Variants in ZRANB3 observed in about 807,000 individuals in gnomAD.
The protein encoded by ZRANB3 is DNA annealing helicase and endonuclease ZRANB3.
In ZRANB3, 125 loss-of-function variants were observed where a neutral mutation model predicts 133.8. That is an observed-to-expected ratio of 0.93 (90% CI 0.81 to 1.08). The LOEUF is 1.08. ZRANB3 is among the 50% of genes least tolerant of loss of function. The probability of loss-of-function intolerance (pLI) is 0.00; values close to 1 mark genes in which losing one functional copy is unlikely to be tolerated. For missense variants in ZRANB3, 1,229 were observed against 1,275.5 expected (o/e 0.96, Z 0.56); for synonymous variants, 387 against 432.7 (o/e 0.89, Z 1.31).
intron 10 of ZRANB3, 71 bp from the exon 11 acceptor site, chr2:135,269,212 T>A: frequency 7.8e-7 from 1 of 1,277,132 alleles, no homozygotes. Context: ...TTTCTGAACA[T>A]GTTAAATGGA....
At chr2:135,468,964 T>C (rs759931110) in intron 2 of ZRANB3, among the ~76,000 whole-genome samples, 28 of 152,170 alleles carry the variant, frequency 1.8e-4, no homozygotes, top group Non-Finnish European at 3.5e-4. Flanking sequence ...GAGTGACAAC[T>C]ACAATGGAAC....
At chr2:135,420,419 G>C (rs999495867) in intron 2 of ZRANB3, among the ~76,000 whole-genome samples, 1 of 151,992 alleles carries the variant, frequency 6.6e-6, no homozygotes, top group African/African-American at 2.4e-5. Context: ...ACTGAACCCA[G>C]GATCTTTGTA....
intron 2 of ZRANB3, among the ~76,000 whole-genome samples, chr2:135,465,677 T>C (rs1282259660): frequency 6.6e-6 from 1 of 152,144 alleles, no homozygotes; most frequent in Non-Finnish European, 1.5e-5. Context: ...TGGGATCTAA[T>C]TAAACTAAAG....
intron 2 of ZRANB3, among the ~76,000 whole-genome samples, chr2:135,496,988 A>T (rs949536042): frequency 1.3e-5 from 2 of 152,252 alleles, no homozygotes; most frequent in African/African-American, 4.8e-5. Context: ...CCAATAAATT[A>T]ATTAACAGCA....
intron 2 of ZRANB3, among the ~76,000 whole-genome samples, chr2:135,489,270 C>T (rs557856998): frequency 1.4e-4 from 18 of 126,776 alleles, no homozygotes; most frequent in African/African-American, 3.4e-4. Flanking sequence ...TGAGAACACA[C>T]GGACACAGGA....
intron 8 of ZRANB3, among the ~76,000 whole-genome samples, chr2:135,303,527 T>C (rs1432818955): frequency 6.6e-6 from 1 of 152,164 alleles, no homozygotes; most frequent in African/African-American, 2.4e-5. Flanking sequence ...ACTGACAATC[T>C]ATGTGAGGTT....
rs192892414 is a variant in ZRANB3, at chr2:135,312,045, A to G, written c.966+1444T>C. Among the ~76,000 whole-genome samples, 704 of 151,850 alleles carry G rather than the reference A, an allele frequency of 4.6e-3. 2 individuals are homozygous for G. The highest frequency in any genetic ancestry group is 0.014 in the South Asian group (69 of 4,816). ...TTTTTGGCATGACAGGAATATCTCT[A>G]TTTTCATGGTACTGATGTTTATCCA... On this transcript the variant is annotated intron_variant, in intron 8 of 20. Transcript: ENST00000264159.
chr2:135,428,967 G>A (rs1265791536), intron 2 of ZRANB3, among the ~76,000 whole-genome samples: 1 of 152,218 alleles, frequency 6.6e-6, no homozygotes, highest in Non-Finnish European at 1.5e-5. Flanking sequence ...ACTGTGGAAA[G>A]CACTTTGGAG....
chr2:135,441,813 A>G (rs930996181), intron 2 of ZRANB3, among the ~76,000 whole-genome samples: 1 of 152,296 alleles, frequency 6.6e-6, no homozygotes, highest in East Asian at 1.9e-4. Context: ...TAAAAGGCTA[A>G]AAATTTACAT....
intron 6 of ZRANB3, among the ~76,000 whole-genome samples, chr2:135,320,666 T>G (rs1683481749): frequency 6.6e-6 from 1 of 152,240 alleles, no homozygotes; most frequent in African/African-American, 2.4e-5. Context: ...ACAGGAAGTT[T>G]ATGGCCAAGA....
At chr2:135,295,585 T>A (rs1200118348) in intron 8 of ZRANB3, among the ~76,000 whole-genome samples, 1 of 152,144 alleles carries the variant, frequency 6.6e-6, no homozygotes, top group Non-Finnish European at 1.5e-5. Flanking sequence ...ACATTTAAGG[T>A]TAATATTGTT....
intron 8 of ZRANB3, among the ~76,000 whole-genome samples, chr2:135,285,656 C>T (rs1417678957): frequency 1.3e-5 from 2 of 152,224 alleles, no homozygotes. Context: ...AGGAATGCTG[C>T]CATCCCTCTA....
At chr2:135,342,579 G>A (rs1209907374) in intron 6 of ZRANB3, among the ~76,000 whole-genome samples, 1 of 149,460 alleles carries the variant, frequency 6.7e-6, no homozygotes, top group East Asian at 1.9e-4. Context: ...CAAAGTGCTG[G>A]GATTACAGGT....
chr2:135,292,663 C>T (rs1230220755), intron 8 of ZRANB3, among the ~76,000 whole-genome samples: 1 of 152,146 alleles, frequency 6.6e-6, no homozygotes, highest in African/African-American at 2.4e-5. Flanking sequence ...GACATGAAGT[C>T]CTTGCCCATG....
intron 2 of ZRANB3, among the ~76,000 whole-genome samples, chr2:135,456,075 C>A (rs1472221306): frequency 6.6e-6 from 1 of 151,828 alleles, no homozygotes; most frequent in Non-Finnish European, 1.5e-5. Context: ...GGAGATTTTT[C>A]TTTTTTTGTC....
At chr2:135,323,237 T>TG (rs1336703703) in intron 6 of ZRANB3, among the ~76,000 whole-genome samples, 1 of 152,150 alleles carries the variant, frequency 6.6e-6, no homozygotes, top group East Asian at 1.9e-4. Flanking sequence ...ATGATAGAAT[T>TG]GGGGGAAAAT....
chr2:135,215,823 G>T (rs1024338989), intron 17 of ZRANB3, among the ~76,000 whole-genome samples: 1 of 152,082 alleles, frequency 6.6e-6, no homozygotes, highest in Non-Finnish European at 1.5e-5. Flanking sequence ...GGATAATTCT[G>T]TTTTGGGGGG....
At chr2:135,276,458 A>G (rs909436974) in intron 8 of ZRANB3, among the ~76,000 whole-genome samples, 1 of 152,178 alleles carries the variant, frequency 6.6e-6, no homozygotes, top group Non-Finnish European at 1.5e-5. Context: ...AAGAAAATTT[A>G]AAAAGTTCAG....
At chr2:135,237,751 T>C (rs887583852) in intron 12 of ZRANB3, among the ~76,000 whole-genome samples, 1 of 138,126 alleles carries the variant, frequency 7.2e-6, no homozygotes, top group Non-Finnish European at 1.5e-5. Flanking sequence ...TGAGAACACA[T>C]GGACACAGGA....
Sources: allele counts gnomAD v4.1 joint callset (sites outside exome capture counted in the v4.1 genomes callset), GRCh38; gene constraint gnomAD v4.1.1; transcripts MANE v1.5; gene names NCBI Gene and HGNC (gene_info 2026-07-23, HGNC 2026-07-21).